CREB3L2: variants seen among roughly 807,000 people sequenced by gnomAD.
The protein encoded by CREB3L2 is cAMP responsive element binding protein 3 like 2, also known as cyclic AMP-responsive element-binding protein 3-like protein 2.
In CREB3L2, 23 loss-of-function variants were observed where a neutral mutation model predicts 57.2. That is an observed-to-expected ratio of 0.40 (90% CI 0.29 to 0.57). CREB3L2 has a LOEUF of 0.57. Among genes scored for constraint, CREB3L2 ranks in the 20% least tolerant of loss-of-function variants. The probability of loss-of-function intolerance (pLI) is 0.42; values close to 1 mark genes in which losing one functional copy is unlikely to be tolerated. For missense variants in CREB3L2, 628 were observed against 634.7 expected (o/e 0.99, Z 0.11); for synonymous variants, 268 against 265.1 (o/e 1.01, Z -0.11).
chr7:137,883,188 T>C (rs1002622141), intron 10 of CREB3L2, among the ~76,000 whole-genome samples: 2 of 152,216 alleles, frequency 1.3e-5, no homozygotes, highest in Admixed American at 1.3e-4. Flanking sequence ...ATGCTTCCAA[T>C]TAAATTTAGA....
At chr7:137,999,604 T>A (rs1281550312) in intron 1 of CREB3L2, 3 of 152,188 alleles carry the variant, frequency 2.0e-5, no homozygotes, top group Non-Finnish European at 4.4e-5. Flanking sequence ...CCCCTGGATA[T>A]CTAACAGAGT....
chr7:137,994,561 C>T (rs1428360157), intron 1 of CREB3L2, among the ~76,000 whole-genome samples: 3 of 152,156 alleles, frequency 2.0e-5, no homozygotes, highest in Admixed American at 6.5e-5. Flanking sequence ...TCCCACCCCT[C>T]CCTAGCCTTT....
At chr7:137,949,097 C>T (rs1205422521) in intron 1 of CREB3L2, among the ~76,000 whole-genome samples, 4 of 152,244 alleles carry the variant, frequency 2.6e-5, no homozygotes, top group Non-Finnish European at 5.9e-5. Context: ...TCACTCGTCT[C>T]ATGGCAATCT....
At chr7:137,927,278 G>GAAAGGAGGAAGGAAGGAAGGA (rs35701640) in intron 2 of CREB3L2, among the ~76,000 whole-genome samples, 11 of 136,632 alleles carry the variant, frequency 8.1e-5, no homozygotes, top group African/African-American at 3.4e-4. Context: ...GAAAGGAAAG[G>GAAAGGAGGAAGGAAGGAAGGA]AGGAAGGAAG....
At chr7:137,919,418 C>T (rs1474703774) in intron 2 of CREB3L2, among the ~76,000 whole-genome samples, 5 of 151,990 alleles carry the variant, frequency 3.3e-5, no homozygotes, top group Non-Finnish European at 5.9e-5. Context: ...GTGACCCACC[C>T]GCCTCAGCCT....
chr7:137,922,453 T>TATATATATATATATATACAC (rs1554498063), intron 2 of CREB3L2: 2 of 72,580 alleles, frequency 2.8e-5, no homozygotes, highest in Admixed American at 1.5e-4. Context: ...TATATATATA[T>TATATATATATATATATACAC]ACACACATAT....
At chr7:137,962,554 G>A in intron 1 of CREB3L2, among the ~76,000 whole-genome samples, 1 of 151,980 alleles carries the variant, frequency 6.6e-6, no homozygotes, top group East Asian at 1.9e-4. Context: ...CATCTGGGCT[G>A]ATTGCACCTT....
At chr7:137,934,613 A>G (rs17169451) in intron 1 of CREB3L2, among the ~76,000 whole-genome samples, 3,312 of 152,296 alleles carry the variant, frequency 0.022, 133 homozygotes, top group African/African-American at 0.076. Context: ...CTAAAGCTAG[A>G]TAAAGATAGG....
chr7:137,933,966 C>T (rs1416337590), intron 1 of CREB3L2: 2 of 152,204 alleles, frequency 1.3e-5, no homozygotes, highest in African/African-American at 4.8e-5. Context: ...AAGTGAGCCT[C>T]GAGGAGGAAG....
At chr7:137,983,821 G>A (rs1379909338) in intron 1 of CREB3L2, among the ~76,000 whole-genome samples, 1 of 152,208 alleles carries the variant, frequency 6.6e-6, no homozygotes, top group African/African-American at 2.4e-5. Context: ...ATTCCAGAAG[G>A]CTGGATTCCA....
At chr7:137,960,795 A>C (rs1801304993) in intron 1 of CREB3L2, among the ~76,000 whole-genome samples, 1 of 148,800 alleles carries the variant, frequency 6.7e-6, no homozygotes, top group African/African-American at 2.5e-5. Context: ...TTTAAACTTA[A>C]AACTAAATTA....
intron 4 of CREB3L2, among the ~76,000 whole-genome samples, chr7:137,909,742 C>T (rs971160190): frequency 1.3e-5 from 2 of 152,172 alleles, no homozygotes; most frequent in Non-Finnish European, 2.9e-5. Flanking sequence ...AAAAAGATGA[C>T]CTTACCCATA....
intron 8 of CREB3L2, among the ~76,000 whole-genome samples, chr7:137,900,366 C>T (rs1799725074): frequency 6.6e-6 from 1 of 152,148 alleles, no homozygotes; most frequent in South Asian, 2.1e-4. Flanking sequence ...GAGTTCATAG[C>T]TGTAAAGTGC....
chr7:137,969,031 A>G (rs1248302821), intron 1 of CREB3L2, among the ~76,000 whole-genome samples: 1 of 152,214 alleles, frequency 6.6e-6, no homozygotes, highest in Admixed American at 6.5e-5. Flanking sequence ...CCCATAAAAC[A>G]GCATGTGTCA....
rs1368929113 is a variant in CREB3L2 at position 137,921,514 on chromosome 7, T to C, written c.320-5502A>G. On this transcript the variant is annotated intron_variant, in intron 2 of 11. Transcript: ENST00000330387. ...ATCATCAAAGAGACTGAAAAAGACA[T>C]GAACTCAAAGCCAAGGTAATAGCAA... Among the ~76,000 whole-genome samples, 4 of 152,232 alleles carry C rather than the reference T, an allele frequency of 2.6e-5. No homozygotes were observed. The South Asian group carries it at 8.3e-4, about 32-fold the overall frequency.
At chr7:137,954,695 G>C (rs887065513) in intron 1 of CREB3L2, among the ~76,000 whole-genome samples, 3 of 152,156 alleles carry the variant, frequency 2.0e-5, no homozygotes, top group Admixed American at 6.5e-5. Flanking sequence ...AGTTTGGAAT[G>C]CTCATGGTAT....
rs1465361945 is a variant in CREB3L2, at chr7:137,879,910, C to A, written c.*566G>T. On this transcript the variant is annotated 3_prime_UTR_variant, in exon 12 of 12. Coordinates refer to ENST00000330387, the MANE Select transcript of CREB3L2 (RefSeq NM_194071.4). ...TGCGGCCTGAGAATATGAACGAGAG[C>A]CCTCGCCTGCCAGTGCTGCTGCAGG... 5 of 235,440 alleles carry A rather than the reference C, an allele frequency of 2.1e-5. No individual in the cohort carries two copies. Among genetic ancestry groups the A allele is most frequent in the Non-Finnish European group, 4.2e-5 (5 of 119,626 alleles). 14.6% of individuals were successfully genotyped at this position (235,440 alleles called of 1,614,324 possible).
intron 1 of CREB3L2, among the ~76,000 whole-genome samples, chr7:137,971,863 G>T (rs775772389): frequency 6.6e-6 from 1 of 151,252 alleles, no homozygotes; most frequent in East Asian, 1.9e-4. Flanking sequence ...AACAATACAC[G>T]GCCATTAAAA....
chr7:137,948,288 T>C (rs1801037270), intron 1 of CREB3L2, among the ~76,000 whole-genome samples: 1 of 152,250 alleles, frequency 6.6e-6, no homozygotes, highest in African/African-American at 2.4e-5. Context: ...ACATGCTCAC[T>C]AGTTCATTAC....
Sources: gnomAD v4.1 joint callset for allele counts (sites outside exome capture counted in the v4.1 genomes callset) on GRCh38, gnomAD v4.1.1 for gene constraint, MANE v1.5 for transcripts, NCBI Gene and HGNC (gene_info 2026-07-23, HGNC 2026-07-21) for gene names.